SLC24A4: variants seen among roughly 807,000 people sequenced by gnomAD.
SLC24A4 encodes solute carrier family 24 member 4.
In SLC24A4, 53 loss-of-function variants were observed where a neutral mutation model predicts 79.0. That is an observed-to-expected ratio of 0.67 (90% confidence interval 0.54 to 0.84). The LOEUF is 0.84. Among genes scored for constraint, SLC24A4 ranks in the 40% least tolerant of loss-of-function variants. SLC24A4 has a pLI of 0.00. For synonymous variants in SLC24A4, 323 were observed against 323.8 expected, an observed-to-expected ratio of 1.00 and a Z score of 0.03; for missense variants, 731 against 822.0, an observed-to-expected ratio of 0.89 and a Z score of 1.35.
At chr14:92,396,774 C>A (rs888332192) in intron 2 of SLC24A4, among the ~76,000 whole-genome samples, 5 of 152,192 alleles carry the variant, frequency 3.3e-5, no homozygotes, top group Non-Finnish European at 7.3e-5. Context: ...TGGTAGTCCG[C>A]ATCCTTTTTG....
chr14:92,468,996 A>G (rs1288947857), intron 12 of SLC24A4, among the ~76,000 whole-genome samples: 3 of 152,110 alleles, frequency 2.0e-5, no homozygotes, highest in Non-Finnish European at 2.9e-5. Context: ...ATTTGAACAG[A>G]CATTTCTCCA....
At chr14:92,473,988 C>A (rs1445788813) in intron 12 of SLC24A4, among the ~76,000 whole-genome samples, 1 of 152,218 alleles carries the variant, frequency 6.6e-6, no homozygotes, top group Admixed American at 6.5e-5. Flanking sequence ...TACCCAGGCA[C>A]CTCTGTAGGC....
chr14:92,372,741 G>A (rs1337546205), intron 2 of SLC24A4, among the ~76,000 whole-genome samples: 1 of 152,096 alleles, frequency 6.6e-6, no homozygotes, highest in Non-Finnish European at 1.5e-5. Flanking sequence ...CAGCCTTGCT[G>A]AACTTGTCCC....
chr14:92,436,658 A>G (rs1892189381), intron 3 of SLC24A4, among the ~76,000 whole-genome samples: 1 of 152,224 alleles, frequency 6.6e-6, no homozygotes, highest in African/African-American at 2.4e-5. Context: ...AGAGCACAAA[A>G]AGAACCTAGC....
Position 92,495,514 on chromosome 14 carries a change from G to A in SLC24A4, c.*1886G>A, listed in dbSNP as rs542239018. ...CACCAGTATAAACTTCAGCTGCAGG[G>A]ATTCCAGAGCCCTCGGGACCACTCT... On this transcript the variant is annotated 3_prime_UTR_variant, in exon 17 of 17. Transcript: ENST00000532405. 1 of 152,222 alleles carries A rather than the reference G, an allele frequency of 6.6e-6. No individual in the cohort carries two copies. Among genetic ancestry groups the A allele is most frequent in the Non-Finnish European group, 1.5e-5 (1 of 68,024 alleles). 9.4% of individuals were successfully genotyped at this position (152,222 alleles called of 1,614,324 possible).
Position 92,493,472 on chromosome 14 carries a change from C to G in SLC24A4, c.1717-4C>G, listed in dbSNP as rs1266263820. The G allele has an allele frequency of 1.2e-6, 2 of 1,613,996 alleles. No individual in the cohort carries two copies. Among genetic ancestry groups the G allele is most frequent in the South Asian group, 2.2e-5 (2 of 91,058 alleles). On this transcript the variant is annotated splice_region_variant and splice_polypyrimidine_tract_variant and intron_variant, in intron 16 of 16. Transcript: ENST00000532405. The stretch of plus-strand genomic sequence containing the variant: ...AGCCCAGTTCCCACACTCTGTCCTC[C>G]CAGGTCCTCGGCATCCACCTAAACA...
At chr14:92,404,067 CTG>C (rs1595227016) in intron 2 of SLC24A4, among the ~76,000 whole-genome samples, 1 of 152,176 alleles carries the variant, frequency 6.6e-6, no homozygotes, top group African/African-American at 2.4e-5. Context: ...AATTTACAGA[CTG>C]TGTTAGAAAA....
At chr14:92,483,235 G>A (rs752877321) in intron 13 of SLC24A4, among the ~76,000 whole-genome samples, 10 of 152,144 alleles carry the variant, frequency 6.6e-5, no homozygotes, top group Non-Finnish European at 1.3e-4. Context: ...TTGAACACAA[G>A]GCAGCTTGTT....
chr14:92,324,732 G>T (rs1340344805), intron 1 of SLC24A4, among the ~76,000 whole-genome samples: 1 of 152,208 alleles, frequency 6.6e-6, no homozygotes, highest in East Asian at 1.9e-4. Context: ...CTCATTTTGA[G>T]TTGGATGCTG....
intron 2 of SLC24A4, among the ~76,000 whole-genome samples, chr14:92,430,699 C>T (rs1891818303): frequency 6.6e-6 from 1 of 152,282 alleles, no homozygotes; most frequent in East Asian, 1.9e-4. Context: ...AGCTGGCTTC[C>T]CTCCTGTCCC....
intron 2 of SLC24A4, among the ~76,000 whole-genome samples, chr14:92,350,133 A>G (rs1437466010): frequency 6.6e-6 from 1 of 152,228 alleles, no homozygotes; most frequent in Non-Finnish European, 1.5e-5. Flanking sequence ...CTGTCTAGAA[A>G]GACAATGCAG....
chr14:92,442,204 G>A, intron 5 of SLC24A4, 31 bp downstream of exon 5: 4 of 1,575,858 alleles, frequency 2.5e-6, no homozygotes, highest in Middle Eastern at 1.7e-4. Context: ...TGAGACACAG[G>A]ATCTAGAGAG....
At position 92,443,488 on chromosome 14, in the gene SLC24A4, C is replaced by T. The variant is rs148966735; in HGVS notation, c.657+14C>T. 951 of 1,614,058 alleles carry T rather than the reference C, an allele frequency of 5.9e-4. 8 individuals are homozygous for T. The African/African-American group carries it at 0.011, about 19-fold the overall frequency. On this transcript the variant is annotated intron_variant, in intron 7 of 16. Coordinates refer to ENST00000532405, the MANE Select transcript of SLC24A4 (RefSeq NM_153646.4). Reference sequence around the variant, plus strand: ...GTGCTCATCGTGGTGAGTTGCCCCTCTGCCCCCAAGGTCAGGTTGGCTGGG... The same window carrying T: ...GTGCTCATCGTGGTGAGTTGCCCCTTTGCCCCCAAGGTCAGGTTGGCTGGG...
intron 2 of SLC24A4, among the ~76,000 whole-genome samples, chr14:92,363,701 G>A (rs557869227): frequency 7.2e-5 from 11 of 152,190 alleles, no homozygotes; most frequent in African/African-American, 1.4e-4. Context: ...ATGGTGGCAC[G>A]CATCTGTGGT....
intron 2 of SLC24A4, among the ~76,000 whole-genome samples, chr14:92,399,303 G>A (rs956269685): frequency 6.6e-6 from 1 of 152,146 alleles, no homozygotes; most frequent in Non-Finnish European, 1.5e-5. Flanking sequence ...CACCTACTAC[G>A]TAGGGATAAA....
In SLC24A4 at chr14:92,456,511, C is replaced by T; in HGVS notation, c.1158C>T (p.Asp386=). 6.2e-7 allele frequency: 1 copy of T among 1,614,146 alleles called. No homozygotes were observed. The highest frequency in any genetic ancestry group is 8.5e-7 in the Non-Finnish European group (1 of 1,180,034). The change falls in exon 12 of 17, where the codon GAC becomes GAT. Residue 386 remains aspartate, a synonymous_variant. Coordinates refer to ENST00000532405, the MANE Select transcript of SLC24A4 (RefSeq NM_153646.4). ...NGNVPVENPE[D]PQQNQEQQPP... Reference sequence around the variant, plus strand: ...ATGTTCCTGTGGAAAACCCCGAAGACCCTCAGCAGAATCAGGAGCAGCAGC... The same window carrying T: ...ATGTTCCTGTGGAAAACCCCGAAGATCCTCAGCAGAATCAGGAGCAGCAGC...
intron 12 of SLC24A4, chr14:92,457,145 G>A (rs1893521054): frequency 6.3e-6 from 1 of 159,570 alleles, no homozygotes; most frequent in Non-Finnish European, 1.4e-5. Context: ...GCCCTCCAGG[G>A]TCCTCCCATC....
At chr14:92,386,973 C>A (rs1033034893) in intron 2 of SLC24A4, among the ~76,000 whole-genome samples, 17 of 152,158 alleles carry the variant, frequency 1.1e-4, no homozygotes, top group African/African-American at 4.1e-4. Flanking sequence ...TTCCAGAGGC[C>A]CCAGCAGGGT....
intron 13 of SLC24A4, 24 bp downstream of exon 13, chr14:92,482,870 G>A: frequency 2.5e-6 from 4 of 1,596,086 alleles, no homozygotes; most frequent in East Asian, 2.2e-5. Flanking sequence ...GCAGGGGGTG[G>A]ACTGTGTGCA....
Sources: gnomAD v4.1 joint callset for allele counts (sites outside exome capture counted in the v4.1 genomes callset) on GRCh38, gnomAD v4.1.1 for gene constraint, MANE v1.5 for transcripts, NCBI Gene and HGNC (gene_info 2026-07-23, HGNC 2026-07-21) for gene names.